Variants in SLIT2 observed in about 807,000 individuals in gnomAD.
SLIT2 encodes slit homolog 2 protein.
Under a neutral mutation model 185.7 loss-of-function variants are expected in SLIT2, and 41 were observed. The observed-to-expected ratio is 0.22, with a 90% confidence interval of 0.17 to 0.29. The LOEUF is 0.29. Ranked by LOEUF, SLIT2 falls within the 10% of genes least tolerant of loss-of-function variation. The pLI is 1.00. For missense variants in SLIT2, 1,571 were observed against 1,909.0 expected, an observed-to-expected ratio of 0.82 and a Z score of 3.30; for synonymous variants, 693 against 680.2, an observed-to-expected ratio of 1.02 and a Z score of -0.29.
intron 6 of SLIT2, among the ~76,000 whole-genome samples, chr4:20,481,837 A>T (rs989324368): frequency 2.6e-5 from 4 of 152,032 alleles, no homozygotes; most frequent in African/African-American, 7.2e-5. Context: ...CCAGCTGTGT[A>T]ATGTACTGTT....
At chr4:20,293,477 A>G (rs915887818) in intron 4 of SLIT2, among the ~76,000 whole-genome samples, 16 of 152,224 alleles carry the variant, frequency 1.1e-4, no homozygotes, top group Non-Finnish European at 1.8e-4. Flanking sequence ...AACAAAGCCT[A>G]AATAAACAGC....
chr4:20,328,253 G>A (rs2109190374), intron 4 of SLIT2, among the ~76,000 whole-genome samples: 1 of 152,162 alleles, frequency 6.6e-6, no homozygotes, highest in South Asian at 2.1e-4. Context: ...ATTCAAACAA[G>A]TAATTTGATG....
chr4:20,614,311 C>T (rs1729467996), intron 34 of SLIT2, among the ~76,000 whole-genome samples: 1 of 152,150 alleles, frequency 6.6e-6, no homozygotes, highest in Non-Finnish European at 1.5e-5. Flanking sequence ...CCTTGTCCTG[C>T]CACGGGACAG....
chr4:20,478,709 T>G (rs1272666717), intron 5 of SLIT2, among the ~76,000 whole-genome samples: 1 of 152,252 alleles, frequency 6.6e-6, no homozygotes, highest in Non-Finnish European at 1.5e-5. Flanking sequence ...CCGATTTGTC[T>G]GGAAACAATT....
Position 20,610,926 on chromosome 4 carries a change from G to A in SLIT2, c.3847+759G>A, listed in dbSNP as rs1729162236. Among the ~76,000 whole-genome samples the A allele has an allele frequency of 1.3e-5, 2 of 152,102 alleles. 1 individual carries two copies. Among genetic ancestry groups the A allele is most frequent in the South Asian group, 4.1e-4 (2 of 4,824 alleles). ...CAGAGATATAAGCAAAGTTCTGTAG[G>A]AGCCCATCGGAGAGGACCCGCAAAG... On this transcript the variant is annotated intron_variant, in intron 34 of 36. Transcript: ENST00000504154.
intron 4 of SLIT2, among the ~76,000 whole-genome samples, chr4:20,409,182 A>G (rs575506969): frequency 6.6e-6 from 1 of 152,280 alleles, no homozygotes; most frequent in South Asian, 2.1e-4. Context: ...TATTAAGCCC[A>G]GTATCCATTA....
intron 4 of SLIT2, among the ~76,000 whole-genome samples, chr4:20,368,512 TA>T (rs1191959240): frequency 2.0e-5 from 3 of 152,046 alleles, no homozygotes; most frequent in Non-Finnish European, 4.4e-5. Flanking sequence ...TGTTAACACC[TA>T]AAGTAGGTGA....
intron 4 of SLIT2, among the ~76,000 whole-genome samples, chr4:20,334,269 A>G (rs1720307981): frequency 6.6e-6 from 1 of 152,096 alleles, no homozygotes. Context: ...ATTCGGGATG[A>G]CATTGTCCCT....
intron 33 of SLIT2, among the ~76,000 whole-genome samples, chr4:20,608,414 G>A (rs1356330090): frequency 1.3e-5 from 2 of 152,082 alleles, no homozygotes; most frequent in Non-Finnish European, 2.9e-5. Context: ...ACCACTAATG[G>A]TGTGCAACTA....
At chr4:20,550,488 T>G (rs536596351) in intron 24 of SLIT2, among the ~76,000 whole-genome samples, 1 of 152,124 alleles carries the variant, frequency 6.6e-6, no homozygotes, top group South Asian at 2.1e-4. Context: ...TGTCAAAAAT[T>G]TCTCCCTCTT....
intron 29 of SLIT2, chr4:20,569,238 A>G: frequency 2.2e-6 from 1 of 463,656 alleles, no homozygotes; most frequent in Non-Finnish European, 3.9e-6. Flanking sequence ...CATGCTATCC[A>G]GTAATAAAAG....
intron 12 of SLIT2, among the ~76,000 whole-genome samples, chr4:20,522,703 G>A (rs1720940736): frequency 6.6e-6 from 1 of 151,968 alleles, no homozygotes; most frequent in South Asian, 2.1e-4. Context: ...AGGAGTTTGT[G>A]GGGAATTATG....
intron 4 of SLIT2, among the ~76,000 whole-genome samples, chr4:20,285,959 T>A (rs546626772): frequency 1.7e-4 from 26 of 152,316 alleles, no homozygotes; most frequent in African/African-American, 5.8e-4. Flanking sequence ...AATGAGAACA[T>A]GATCCAGAGG....
chr4:20,434,040 T>G (rs1461523165), intron 4 of SLIT2, among the ~76,000 whole-genome samples: 3 of 152,172 alleles, frequency 2.0e-5, no homozygotes, highest in Non-Finnish European at 4.4e-5. Flanking sequence ...GGATAAAGCT[T>G]TGTGTCCCAT....
rs560791123 is a variant in SLIT2 at position 20,389,305 on chromosome 4, A to C, written c.396-78447A>C. Among the ~76,000 whole-genome samples the C allele has an allele frequency of 3.9e-5, 6 of 152,120 alleles. No homozygotes were observed. The South Asian group carries it at 1.2e-3, about 32-fold the overall frequency. On this transcript the variant is annotated intron_variant, in intron 4 of 36. Coordinates refer to ENST00000504154, the MANE Select transcript of SLIT2 (RefSeq NM_004787.4). ...GCATATCATTATAAAAATGCAACAG[A>C]AACAGGCAAATAACATCTAAATATT...
intron 4 of SLIT2, among the ~76,000 whole-genome samples, chr4:20,273,401 T>G (rs572533707): frequency 6.6e-6 from 1 of 152,240 alleles, no homozygotes; most frequent in South Asian, 2.1e-4. Context: ...ATGAAAACTT[T>G]TTTTTAATGT....
intron 4 of SLIT2, among the ~76,000 whole-genome samples, chr4:20,370,873 C>CG (rs1481198795): frequency 3.3e-5 from 5 of 151,998 alleles, no homozygotes; most frequent in Non-Finnish European, 7.4e-5. Context: ...AAATGTATGC[C>CG]GGATATATGA....
intron 4 of SLIT2, among the ~76,000 whole-genome samples, chr4:20,279,004 C>T (rs1246333997): frequency 6.6e-6 from 1 of 152,088 alleles, no homozygotes; most frequent in Non-Finnish European, 1.5e-5. Context: ...GTTAAAATTT[C>T]ATACATTCCT....
intron 20 of SLIT2, among the ~76,000 whole-genome samples, chr4:20,542,054 T>C (rs745322982): frequency 2.6e-5 from 4 of 152,176 alleles, no homozygotes; most frequent in Non-Finnish European, 5.9e-5. Context: ...ATCAGGTACA[T>C]AGAACAAGTT....
Sources: allele counts gnomAD v4.1 joint callset (sites outside exome capture counted in the v4.1 genomes callset), GRCh38; gene constraint gnomAD v4.1.1; transcripts MANE v1.5; gene names NCBI Gene and HGNC (gene_info 2026-07-23, HGNC 2026-07-21).